MBP: variants seen among roughly 807,000 people sequenced by gnomAD.
MBP encodes Golli-MBP.
In MBP, 16 loss-of-function variants were observed where a neutral mutation model predicts 35.8. The ratio of observed to expected loss-of-function variants is 0.45; its 90% CI spans 0.30 to 0.68. MBP has a LOEUF of 0.68. MBP is among the 30% of genes least tolerant of loss of function. MBP has a pLI of 0.08. For missense variants in MBP, 380 were observed against 404.7 expected (o/e 0.94, Z 0.52); for synonymous variants, 143 against 159.6 (o/e 0.90, Z 0.78).
At chr18:76,999,461 A>ATTTT (rs113779985) in intron 4 of MBP, among the ~76,000 whole-genome samples, 8 of 144,484 alleles carry the variant, frequency 5.5e-5, no homozygotes, top group Non-Finnish European at 9.2e-5. Context: ...TAGTTTAGGT[A>ATTTT]TTTTTTTTTT....
chr18:77,112,630 G>A (rs964216188), intron 1 of MBP: 1 of 152,364 alleles, frequency 6.6e-6, no homozygotes, highest in East Asian at 1.9e-4. Context: ...GCTGCCACAT[G>A]GAAGGCCGGG....
chr18:76,996,047 G>T (rs938862188), intron 4 of MBP, among the ~76,000 whole-genome samples: 1 of 152,180 alleles, frequency 6.6e-6, no homozygotes, highest in Admixed American at 6.5e-5. Flanking sequence ...AAACACTTCA[G>T]CAAAGAGGAC....
intron 1 of MBP, among the ~76,000 whole-genome samples, chr18:77,128,694 G>T (rs887199147): frequency 6.6e-6 from 1 of 152,206 alleles, no homozygotes; most frequent in Non-Finnish European, 1.5e-5. Flanking sequence ...AACTGGTGAA[G>T]GGAATTGCAT....
chr18:77,012,491 A>G lies in MBP; in HGVS notation c.576+4341T>C, dbSNP rs571469338. On this transcript the variant is annotated intron_variant, in intron 4 of 8. Coordinates refer to ENST00000355994, the MANE Select transcript of MBP (RefSeq NM_001025101.2). ...GACCAGAACACCGAACTGTCAGGGG[A>G]GAGAAGACAGTAAAATGTCTCTGTG... Among the ~76,000 whole-genome samples, 14 of 152,374 alleles carry G rather than the reference A, an allele frequency of 9.2e-5. No individual in the cohort carries two copies. The East Asian group carries it at 2.7e-3, about 29-fold the overall frequency.
chr18:77,076,333 C>T (rs546322896), intron 2 of MBP, among the ~76,000 whole-genome samples: 4 of 152,320 alleles, frequency 2.6e-5, no homozygotes, highest in South Asian at 4.1e-4. Context: ...ACAGGTGGGC[C>T]GTTTGAGTGC....
chr18:77,081,760 AT>A (rs1229676810), intron 2 of MBP, among the ~76,000 whole-genome samples: 1 of 124,366 alleles, frequency 8.0e-6, no homozygotes, highest in African/African-American at 3.0e-5. Flanking sequence ...ATATATATAT[AT>A]ATATATACAC....
At chr18:77,050,316 T>C (rs1485743741) in intron 3 of MBP, among the ~76,000 whole-genome samples, 1 of 152,248 alleles carries the variant, frequency 6.6e-6, no homozygotes, top group Non-Finnish European at 1.5e-5. Context: ...CAAAAGCAGA[T>C]ACCAAAACTA....
intron 1 of MBP, among the ~76,000 whole-genome samples, chr18:77,112,280 C>T (rs1168172389): frequency 6.6e-6 from 1 of 152,172 alleles, no homozygotes; most frequent in Non-Finnish European, 1.5e-5. Flanking sequence ...AGGCGGGTGG[C>T]GGCAAAGCTG....
intron 3 of MBP, among the ~76,000 whole-genome samples, chr18:77,057,437 T>A (rs1180156377): frequency 6.6e-6 from 1 of 152,216 alleles, no homozygotes; most frequent in African/African-American, 2.4e-5. Flanking sequence ...GTGGCTTGTC[T>A]AGACAGGAAT....
At chr18:77,050,852 C>T (rs1043172583) in intron 3 of MBP, among the ~76,000 whole-genome samples, 2 of 152,158 alleles carry the variant, frequency 1.3e-5, no homozygotes, top group African/African-American at 4.8e-5. Context: ...CACCCTATTA[C>T]CTTAGTATTA....
At chr18:77,038,485 C>A (rs373676591) in intron 3 of MBP, among the ~76,000 whole-genome samples, 2 of 152,140 alleles carry the variant, frequency 1.3e-5, no homozygotes. Flanking sequence ...AAAGGCAAAC[C>A]CTTTGTTTGA....
chr18:77,084,421 C>CCG (rs1975122289), intron 2 of MBP, among the ~76,000 whole-genome samples: 3 of 32,124 alleles, frequency 9.3e-5, no homozygotes, highest in African/African-American at 8.9e-5. Context: ...GCCCCCCCCG[C>CCG]CACACCACAC....
intron 2 of MBP, among the ~76,000 whole-genome samples, chr18:77,068,509 C>A (rs1174801497): frequency 6.6e-6 from 1 of 152,214 alleles, no homozygotes; most frequent in Non-Finnish European, 1.5e-5. Context: ...TGTTTATAAA[C>A]CAACCTCCTC....
intron 1 of MBP, among the ~76,000 whole-genome samples, chr18:77,129,697 G>A (rs938991967): frequency 2.6e-5 from 4 of 152,194 alleles, no homozygotes; most frequent in Non-Finnish European, 5.9e-5. Context: ...CAACAGAAGT[G>A]TCTTACTACT....
At chr18:77,038,950 C>T (rs918733001) in intron 3 of MBP, among the ~76,000 whole-genome samples, 1 of 152,268 alleles carries the variant, frequency 6.6e-6, no homozygotes, top group South Asian at 2.1e-4. Flanking sequence ...AACTATGCCT[C>T]GGGGCCAAAT....
intron 2 of MBP, among the ~76,000 whole-genome samples, chr18:77,086,002 G>T (rs1463910759): frequency 6.6e-6 from 1 of 152,160 alleles, no homozygotes; most frequent in East Asian, 1.9e-4. Flanking sequence ...TAAGGAGAGA[G>T]AGAGTGACAG....
intron 3 of MBP, among the ~76,000 whole-genome samples, chr18:77,038,196 C>T (rs1325182381): frequency 6.6e-6 from 1 of 152,186 alleles, no homozygotes; most frequent in African/African-American, 2.4e-5. Flanking sequence ...GTGCCAGAAA[C>T]CTTAGCTTCA....
At chr18:77,099,386 G>A (rs1975907207) in intron 2 of MBP, among the ~76,000 whole-genome samples, 1 of 144,364 alleles carries the variant, frequency 6.9e-6, no homozygotes, top group Non-Finnish European at 1.5e-5. Flanking sequence ...CCTAGAGTGT[G>A]AGGACTTCAT....
chr18:77,133,135 GC>G (rs567287927), upstream of MBP, among the ~76,000 whole-genome samples: 199 of 152,256 alleles, frequency 1.3e-3, 2 homozygotes, highest in Middle Eastern at 6.8e-3. Context: ...GTGCCAGGCC[GC>G]ATCTCCCCGC....
Sources: allele counts gnomAD v4.1 joint callset (sites outside exome capture counted in the v4.1 genomes callset), GRCh38; gene constraint gnomAD v4.1.1; transcripts MANE v1.5; gene names NCBI Gene and HGNC (gene_info 2026-07-23, HGNC 2026-07-21).